FAM13C: variants seen among roughly 807,000 people sequenced by gnomAD.
FAM13C encodes family with sequence similarity 13 member C, also known as protein FAM13C.
A neutral mutation model predicts 73.2 loss-of-function variants in FAM13C; 37 were observed. The ratio of observed to expected loss-of-function variants is 0.51; its 90% confidence interval spans 0.39 to 0.67. FAM13C has a LOEUF of 0.67. FAM13C is among the 30% of genes least tolerant of loss of function. The probability of loss-of-function intolerance (pLI) is 0.00; values close to 1 mark genes in which losing one functional copy is unlikely to be tolerated. For missense variants in FAM13C, 589 were observed against 715.6 expected, an observed-to-expected ratio of 0.82 and a Z score of 2.02; for synonymous variants, 246 against 260.9, an observed-to-expected ratio of 0.94 and a Z score of 0.55.
chr10:59,276,450 T>C (rs1477574189), intron 6 of FAM13C, among the ~76,000 whole-genome samples: 10 of 152,144 alleles, frequency 6.6e-5, no homozygotes, highest in Admixed American at 1.3e-4. Context: ...CCTTCATATA[T>C]ATGTTATAGC....
intron 10 of FAM13C, among the ~76,000 whole-genome samples, chr10:59,258,632 G>A (rs956614356): frequency 6.6e-6 from 1 of 152,018 alleles, no homozygotes; most frequent in Non-Finnish European, 1.5e-5. Flanking sequence ...AGTTGGTTTG[G>A]GAAGGAGTCT....
At chr10:59,301,321 G>T (rs570317070) in intron 5 of FAM13C, 2 of 152,320 alleles carry the variant, frequency 1.3e-5, no homozygotes, top group South Asian at 4.1e-4. Flanking sequence ...CCTCTGTATG[G>T]AAATGCACAC....
intron 3 of FAM13C, among the ~76,000 whole-genome samples, chr10:59,348,712 C>T (rs895953569): frequency 6.6e-6 from 1 of 152,092 alleles, no homozygotes; most frequent in Non-Finnish European, 1.5e-5. Flanking sequence ...GATCTTGATT[C>T]ACTGCAACCT....
intron 3 of FAM13C, among the ~76,000 whole-genome samples, chr10:59,351,928 G>T (rs1010901195): frequency 1.3e-5 from 2 of 151,738 alleles, no homozygotes; most frequent in Admixed American, 6.6e-5. Flanking sequence ...CTCAGGAGGC[G>T]GAGGTTGCAG....
chr10:59,303,225 T>A (rs1847804985), intron 4 of FAM13C, among the ~76,000 whole-genome samples: 1 of 152,152 alleles, frequency 6.6e-6, no homozygotes, highest in African/African-American at 2.4e-5. Context: ...TTCACTCTTA[T>A]CACCATGTAT....
intron 6 of FAM13C, among the ~76,000 whole-genome samples, chr10:59,271,022 G>T (rs184892745): frequency 2.0e-5 from 3 of 152,232 alleles, no homozygotes; most frequent in African/African-American, 7.2e-5. Flanking sequence ...AGGCACAGCA[G>T]CAGGGGATCA....
In FAM13C at chr10:59,254,557, T is replaced by A; in HGVS notation, c.1237-114A>T. 6.7e-6 allele frequency: 3 copies of A among 446,342 alleles called. No individual in the cohort carries two copies. The East Asian group carries it at 1.0e-4, about 15-fold the overall frequency. 27.6% of individuals were successfully genotyped at this position (446,342 alleles called of 1,614,324 possible). On this transcript the variant is annotated intron_variant, in intron 10 of 13. Transcript: ENST00000618804. ...GGATTATAATACTATAATGCAGCAG[T>A]TATCATGAAAAGGAAAGTCATTTAT...
chr10:59,264,818 T>C (rs550102635), intron 8 of FAM13C, among the ~76,000 whole-genome samples: 47 of 152,156 alleles, frequency 3.1e-4, no homozygotes, highest in African/African-American at 8.9e-4. Context: ...CCCCCACAGA[T>C]CAGTAAAAAC....
chr10:59,326,012 C>T (rs150815769), intron 3 of FAM13C, among the ~76,000 whole-genome samples: 1 of 151,886 alleles, frequency 6.6e-6, no homozygotes, highest in Admixed American at 6.6e-5. Flanking sequence ...TTTATTAAAA[C>T]CTTATCCTTT....
chr10:59,309,221 C>G (rs1848647327), intron 4 of FAM13C, among the ~76,000 whole-genome samples: 1 of 152,060 alleles, frequency 6.6e-6, no homozygotes, highest in South Asian at 2.1e-4. Context: ...TGTCTGTCCC[C>G]TCCCCTCTAT....
At chr10:59,357,905 T>A (rs1326395756) in intron 1 of FAM13C, among the ~76,000 whole-genome samples, 3 of 152,216 alleles carry the variant, frequency 2.0e-5, no homozygotes, top group Non-Finnish European at 2.9e-5. Flanking sequence ...CTGTTTATAC[T>A]ATATGAAATA....
intron 3 of FAM13C, among the ~76,000 whole-genome samples, chr10:59,341,582 A>G (rs1036315000): frequency 9.9e-5 from 15 of 152,108 alleles, no homozygotes; most frequent in African/African-American, 1.4e-4. Context: ...CCAGCTACTC[A>G]GGAGGCTGAG....
At chr10:59,317,842 C>T (rs1410898135) in intron 4 of FAM13C, among the ~76,000 whole-genome samples, 4 of 151,930 alleles carry the variant, frequency 2.6e-5, no homozygotes, top group Admixed American at 2.0e-4. Context: ...GTGCTGCACC[C>T]ATTAACTCGT....
chr10:59,307,781 A>C (rs1365827900), intron 4 of FAM13C, among the ~76,000 whole-genome samples: 3 of 152,350 alleles, frequency 2.0e-5, no homozygotes, highest in Non-Finnish European at 4.4e-5. Context: ...AGAATGGCCC[A>C]AGCTCACACT....
At chr10:59,266,538 A>C (rs7901687) in intron 8 of FAM13C, among the ~76,000 whole-genome samples, 35,938 of 152,108 alleles carry the variant, frequency 0.24, 5,812 homozygotes, top group African/African-American at 0.46. Context: ...ACAGGAAGGA[A>C]AAGCGTTTCC....
intron 5 of FAM13C, among the ~76,000 whole-genome samples, chr10:59,295,683 C>T (rs1846832179): frequency 6.6e-6 from 1 of 152,132 alleles, no homozygotes; most frequent in South Asian, 2.1e-4. Flanking sequence ...ATGTTTAAAG[C>T]CACTAAGCTC....
chr10:59,325,403 G>C (rs1047677355), intron 3 of FAM13C, among the ~76,000 whole-genome samples: 1 of 152,160 alleles, frequency 6.6e-6, no homozygotes, highest in Admixed American at 6.6e-5. Flanking sequence ...AGAGCTGTGG[G>C]AAAGAAAATA....
chr10:59,339,276 G>A (rs1347072148), intron 3 of FAM13C, among the ~76,000 whole-genome samples: 1 of 152,136 alleles, frequency 6.6e-6, no homozygotes, highest in African/African-American at 2.4e-5. Context: ...GAGGTTCCAA[G>A]TGGACACGAA....
chr10:59,351,944 C>T (rs1029034838), intron 3 of FAM13C, among the ~76,000 whole-genome samples: 53 of 151,964 alleles, frequency 3.5e-4, no homozygotes, highest in African/African-American at 1.1e-3. Flanking sequence ...TGCAGGGAGC[C>T]GAGATGGCGC....
Sources: gnomAD v4.1 joint callset for allele counts (sites outside exome capture counted in the v4.1 genomes callset) on GRCh38, gnomAD v4.1.1 for gene constraint, MANE v1.5 for transcripts, NCBI Gene and HGNC (gene_info 2026-07-23, HGNC 2026-07-21) for gene names.